Variants in ADGRE1 observed in about 807,000 individuals in gnomAD.
The protein encoded by ADGRE1 is adhesion G protein-coupled receptor E1, also known as EGF-like module receptor 1.
A neutral mutation model predicts 102.7 loss-of-function variants in ADGRE1; 82 were observed. That is an observed-to-expected ratio of 0.80 (90% CI 0.67 to 0.96). ADGRE1 has a LOEUF of 0.96. Among genes scored for constraint, ADGRE1 ranks in the 40% least tolerant of loss-of-function variants. The pLI is 0.00. For synonymous variants in ADGRE1, 398 were observed against 399.6 expected, an observed-to-expected ratio of 1.00 and a Z score of 0.05; for missense variants, 1,032 against 1,085.3, an observed-to-expected ratio of 0.95 and a Z score of 0.69.
chr19:6,938,166 C>T (rs8100058), intron 20 of ADGRE1, among the ~76,000 whole-genome samples: 105,748 of 151,638 alleles, frequency 0.7, 37,124 homozygotes, highest in Non-Finnish European at 0.74. Flanking sequence ...GCAAAACCCC[C>T]ATCTCTATTA....
At chr19:6,919,511 C>G (rs373539018) in intron 12 of ADGRE1, 37 bp from the exon 13 acceptor site, 35 of 1,576,674 alleles carry the variant, frequency 2.2e-5, no homozygotes, top group Non-Finnish European at 3.0e-5. Flanking sequence ...ATTGAGCAAA[C>G]GATTCCTTCC....
chr19:6,914,099 C>T (rs1355807198), intron 11 of ADGRE1, among the ~76,000 whole-genome samples: 1 of 152,262 alleles, frequency 6.6e-6, no homozygotes, highest in African/African-American at 2.4e-5. Context: ...TAAGGTATGA[C>T]AGTCATAGGC....
chr19:6,892,572 C>T (rs1973420175), intron 2 of ADGRE1, among the ~76,000 whole-genome samples: 1 of 152,152 alleles, frequency 6.6e-6, no homozygotes, highest in Admixed American at 6.5e-5. Flanking sequence ...AGTTCGTCTT[C>T]CAACCAGTGG....
At chr19:6,924,635 T>C (rs1369295243) in intron 14 of ADGRE1, 43 bp from the exon 15 acceptor site, 4 of 1,574,608 alleles carry the variant, frequency 2.5e-6, no homozygotes, top group Non-Finnish European at 2.6e-6. Flanking sequence ...TGGGGGGATT[T>C]TGATCCCATT....
At chr19:6,927,070 G>C (rs1015608168) in intron 16 of ADGRE1, among the ~76,000 whole-genome samples, 1 of 151,790 alleles carries the variant, frequency 6.6e-6, no homozygotes, top group Admixed American at 6.6e-5. Flanking sequence ...AGAAAAAAGT[G>C]GGGGGAATAT....
intron 17 of ADGRE1, among the ~76,000 whole-genome samples, chr19:6,934,413 C>T (rs535167194): frequency 6.0e-4 from 82 of 136,298 alleles, no homozygotes; most frequent in African/African-American, 2.4e-3. Flanking sequence ...AATTCTTCTT[C>T]TTCTTCTTTT....
At chr19:6,895,160 G>T (rs888652501) in intron 2 of ADGRE1, 5 of 152,230 alleles carry the variant, frequency 3.3e-5, no homozygotes, top group Non-Finnish European at 7.3e-5. Context: ...CCCCGTGGTT[G>T]GAAATGGATC....
chr19:6,925,179 T>C (rs992953812), intron 15 of ADGRE1, among the ~76,000 whole-genome samples: 5 of 152,200 alleles, frequency 3.3e-5, no homozygotes, highest in African/African-American at 1.2e-4. Flanking sequence ...TGGAGTGCAA[T>C]GGCACGATCT....
chr19:6,896,771 TCTTC>T lies in ADGRE1; in HGVS notation c.238+250_238+253del, dbSNP rs3053976. 4,459 of 472,024 alleles carry T rather than the reference TCTTC, an allele frequency of 9.4e-3. 91 individuals carry two copies. The highest frequency in any genetic ancestry group is 0.061 in the African/African-American group (2,971 of 48,746). 29.2% of individuals were successfully genotyped at this position (472,024 alleles called of 1,614,324 possible). A position where few individuals can be genotyped will look rare whatever the true frequency, so the allele number is the denominator to read the frequency against. Reference sequence around the variant, plus strand: ...CTAGTGTTGCTAGCAAACATGATTTTCTTCCTTCCTTCCTTCCTTCCTTGCTACT... The same window carrying T: ...CTAGTGTTGCTAGCAAACATGATTTTCTTCCTTCCTTCCTTCCTTGCTACT... On this transcript the variant is annotated intron_variant, in intron 3 of 20. Coordinates refer to ENST00000312053, the MANE Select transcript of ADGRE1 (RefSeq NM_001974.5).
At chr19:6,900,433 T>C (rs1297444017) in intron 5 of ADGRE1, among the ~76,000 whole-genome samples, 3 of 152,190 alleles carry the variant, frequency 2.0e-5, no homozygotes, top group African/African-American at 7.2e-5. Context: ...TGCAGTGCAC[T>C]ATGCTTGCAT....
chr19:6,911,105 T>C (rs920400640), intron 10 of ADGRE1, among the ~76,000 whole-genome samples: 4 of 152,200 alleles, frequency 2.6e-5, no homozygotes, highest in African/African-American at 7.2e-5. Flanking sequence ...ATGGTCCTAG[T>C]TGAGATGTTT....
At chr19:6,889,132 T>C (rs1417968082) in intron 1 of ADGRE1, among the ~76,000 whole-genome samples, 1 of 151,588 alleles carries the variant, frequency 6.6e-6, no homozygotes, top group Non-Finnish European at 1.5e-5. Flanking sequence ...ATGGTGATGA[T>C]AGGGATAATG....
intron 10 of ADGRE1, 22 bp from the exon 11 acceptor site, chr19:6,913,631 A>G (rs373976862): frequency 3.2e-6 from 5 of 1,554,174 alleles, no homozygotes; most frequent in Non-Finnish European, 4.4e-6. Context: ...GAGAGAATGA[A>G]CAAACACATC....
chr19:6,904,786 A>G (rs4807109), intron 8 of ADGRE1, among the ~76,000 whole-genome samples: 56,351 of 151,912 alleles, frequency 0.37, 12,243 homozygotes, highest in African/African-American at 0.6. Context: ...GATTACAGGC[A>G]TGAGCCACTG....
intron 8 of ADGRE1, among the ~76,000 whole-genome samples, chr19:6,904,699 T>G (rs4807106): frequency 0.44 from 67,034 of 151,604 alleles, 17,905 homozygotes; most frequent in African/African-American, 0.75. Flanking sequence ...GTAGAGACGG[T>G]GTTTCACCAT....
chr19:6,896,593 A>C, intron 3 of ADGRE1, 52 bp downstream of exon 3: 17 of 1,591,800 alleles, frequency 1.1e-5, no homozygotes, highest in Non-Finnish European at 1.4e-5. Flanking sequence ...AAATCAAGTC[A>C]AAGCTGGCTG....
At chr19:6,893,773 T>G (rs1294068643) in intron 2 of ADGRE1, among the ~76,000 whole-genome samples, 1 of 152,216 alleles carries the variant, frequency 6.6e-6, no homozygotes, top group Non-Finnish European at 1.5e-5. Context: ...TGCCACAAAC[T>G]TGGTCGCTTA....
At chr19:6,906,134 G>T (rs1191912820) in intron 8 of ADGRE1, among the ~76,000 whole-genome samples, 4 of 151,878 alleles carry the variant, frequency 2.6e-5, no homozygotes, top group African/African-American at 9.7e-5. Flanking sequence ...GCTGTGCAGG[G>T]ACATAATATT....
intron 1 of ADGRE1, 133 bp downstream of exon 1, chr19:6,887,772 A>G (rs2144867632): frequency 1.0e-6 from 1 of 968,262 alleles, no homozygotes; most frequent in Non-Finnish European, 1.5e-6. Context: ...ACCTTCATTC[A>G]GGGAACCTTT....
Sources: gnomAD v4.1 joint callset for allele counts (sites outside exome capture counted in the v4.1 genomes callset) on GRCh38, gnomAD v4.1.1 for gene constraint, MANE v1.5 for transcripts, NCBI Gene and HGNC (gene_info 2026-07-23, HGNC 2026-07-21) for gene names.